Variants in SORL1 observed in about 807,000 individuals in gnomAD.
SORL1 encodes sortilin-related receptor.
SORL1 carries 127 observed loss-of-function variants against 273.7 expected under a neutral mutation model. The ratio of observed to expected loss-of-function variants is 0.46; its 90% CI spans 0.40 to 0.54. The LOEUF is 0.54. SORL1 is among the 20% of genes least tolerant of loss of function. SORL1 has a pLI of 0.00. For synonymous variants in SORL1, 1,031 were observed against 1,067.4 expected (o/e 0.97, Z 0.66); for missense variants, 2,494 against 2,846.1 (o/e 0.88, Z 2.81).
chr11:121,605,282 A>C, intron 34 of SORL1, 43 bp downstream of exon 34: 1 of 1,595,344 alleles, frequency 6.3e-7, no homozygotes, highest in Non-Finnish European at 8.5e-7. Flanking sequence ...TGATGTCTTC[A>C]TTGCCCCAGG....
At chr11:121,469,167 G>A (rs2134780474) in intron 1 of SORL1, among the ~76,000 whole-genome samples, 1 of 152,296 alleles carries the variant, frequency 6.6e-6, no homozygotes, top group African/African-American at 2.4e-5. Flanking sequence ...GCGGCCTGCG[G>A]ATGGGGAAAG....
At chr11:121,541,260 G>C (rs986207877) in intron 12 of SORL1, among the ~76,000 whole-genome samples, 1 of 151,100 alleles carries the variant, frequency 6.6e-6, no homozygotes, top group Non-Finnish European at 1.5e-5. Context: ...GGACTGCAGT[G>C]GTGCAGTCAT....
chr11:121,463,043 C>T (rs998471792), intron 1 of SORL1, among the ~76,000 whole-genome samples: 2 of 152,108 alleles, frequency 1.3e-5, no homozygotes, highest in East Asian at 1.9e-4. Flanking sequence ...ACAGGGAAAT[C>T]CTCACGTAGG....
At chr11:121,468,335 G>A (rs1861117749) in intron 1 of SORL1, among the ~76,000 whole-genome samples, 1 of 152,166 alleles carries the variant, frequency 6.6e-6, no homozygotes, top group Non-Finnish European at 1.5e-5. Context: ...TGGTGGAATA[G>A]GCTTCTCTCA....
Position 121,452,397 on chromosome 11 carries a change from G to A in SORL1, c.66G>A (p.Leu22=). The change falls in exon 1 of 48, where the codon CTG becomes CTA. Residue 22 remains leucine, a synonymous_variant. Coordinates refer to ENST00000260197, the MANE Select transcript of SORL1 (RefSeq NM_003105.6). This position sits in a 1 kb window ranked among gnomAD's most constrained non-coding sequence, Gnocchi z 5.3. ...LPFLFTLVAL[L]PPGALCEVWT... ...TCCTATTCACCCTGGTCGCACTGCT[G>A]CCGCCCGGAGCTCTCTGCGAAGTCT... The A allele has an allele frequency of 1.3e-6, 2 of 1,535,202 alleles. No individual in the cohort carries two copies. Among genetic ancestry groups the A allele is most frequent in the East Asian group, 2.7e-5 (1 of 37,414 alleles).
chr11:121,598,766 A>G (rs1290169865), intron 32 of SORL1, among the ~76,000 whole-genome samples: 4 of 152,072 alleles, frequency 2.6e-5, no homozygotes, highest in Non-Finnish European at 5.9e-5. Context: ...GAAATATGAA[A>G]CTAATTTATT....
chr11:121,572,144 A>G (rs1034907489), intron 23 of SORL1, among the ~76,000 whole-genome samples: 3 of 152,238 alleles, frequency 2.0e-5, no homozygotes, highest in Admixed American at 6.5e-5. Flanking sequence ...AGAGTGAGGG[A>G]CACAGGTGGC....
chr11:121,583,455 C>T lies in SORL1; in HGVS notation c.3581-3C>T, dbSNP rs1158664892. ...GCGACTGTGTCTCTCTTCTCTGTTA[C>T]AGCCATCTATCACACCTGTGAGGCC... On this transcript the variant is annotated splice_region_variant and splice_polypyrimidine_tract_variant and intron_variant, in intron 25 of 47. Transcript: ENST00000260197. 6.2e-7 allele frequency: 1 copy of T among 1,610,280 alleles called. No individual in the cohort carries two copies. Among genetic ancestry groups the T allele is most frequent in the Non-Finnish European group, 8.5e-7 (1 of 1,178,134 alleles).
At chr11:121,478,787 C>T (rs577132775) in intron 3 of SORL1, among the ~76,000 whole-genome samples, 15 of 145,896 alleles carry the variant, frequency 1.0e-4, no homozygotes, top group Admixed American at 6.8e-4. Context: ...TGCTTGTGTG[C>T]GCGTGAGTAC....
Position 121,583,575 on chromosome 11 carries a change from T to A in SORL1, c.3698T>A (p.Val1233Asp). ...CAGGATGGTTCCGATGAGGATCCAGTCAACTGTGGTAAATGCAAATTCCCC... is the reference window on the plus strand; with the variant it reads ...CAGGATGGTTCCGATGAGGATCCAGACAACTGTGGTAAATGCAAATTCCCC... ...DCQDGSDEDPVNCEKKCNGFR... is the reference protein window; with the variant it reads ...DCQDGSDEDPDNCEKKCNGFR... Residue 1233 changes from valine to aspartate, a missense_variant, in exon 26 of 48, where the codon GTC (valine) becomes GAC (aspartate). By Grantham distance (152) the Val-to-Asp change is radical. Coordinates refer to ENST00000260197, the MANE Select transcript of SORL1 (RefSeq NM_003105.6). 2 of 1,608,058 alleles carry A rather than the reference T, an allele frequency of 1.2e-6. No individual in the cohort carries two copies. Among genetic ancestry groups the A allele is most frequent in the Non-Finnish European group, 1.7e-6 (2 of 1,177,196 alleles).
intron 22 of SORL1, among the ~76,000 whole-genome samples, chr11:121,568,585 C>T (rs542554570): frequency 1.3e-5 from 2 of 152,200 alleles, no homozygotes; most frequent in South Asian, 4.1e-4. Flanking sequence ...TTGAGAAAAT[C>T]TTCATAACTC....
intron 16 of SORL1, among the ~76,000 whole-genome samples, chr11:121,551,360 A>G (rs1360413032): frequency 6.6e-6 from 1 of 152,236 alleles, no homozygotes; most frequent in Non-Finnish European, 1.5e-5. Flanking sequence ...ATGCTAATTA[A>G]GAAAAACTTC....
Position 121,558,611 on chromosome 11 carries a change from G to T in SORL1, c.2684G>T (p.Trp895Leu), listed in dbSNP as rs752153574. The change falls in exon 20 of 48, where the codon TGG (tryptophan) becomes TTG (leucine). Residue 895 changes from tryptophan (W) to leucine (L), a missense_variant. Coordinates refer to ENST00000260197, the MANE Select transcript of SORL1 (RefSeq NM_003105.6). The part of the protein sequence containing the change: ...PQEGVMFWTD[W>L]GDLKPGIYRS... Reference sequence around the variant, plus strand: ...GCTAGGGTGATGTTCTGGACAGACTGGGGAGACCTGAAGCCTGGGATTTAT... The same window carrying T: ...GCTAGGGTGATGTTCTGGACAGACTTGGGAGACCTGAAGCCTGGGATTTAT... The T allele has an allele frequency of 6.2e-7, 1 of 1,614,158 alleles. No homozygotes were observed. The highest frequency in any genetic ancestry group is 2.2e-5 in the East Asian group (1 of 44,884).
In SORL1 at chr11:121,554,276, CT is replaced by C. The variant is rs531253410; in HGVS notation, c.2439+170del. Among the ~76,000 whole-genome samples the C allele has an allele frequency of 2.2e-4, 33 of 152,316 alleles. No homozygotes were observed. The highest frequency in any genetic ancestry group is 7.2e-4 in the African/African-American group (30 of 41,566). The stretch of plus-strand genomic sequence containing the variant: ...TCCAGTCTTCTGTGTTAGTATTTTT[CT>C]TTCTCTGTCTTCATCTGTTCATATA... On this transcript the variant is annotated intron_variant, in intron 17 of 47. Transcript: ENST00000260197. The surrounding 1 kb of genome is among the most constrained non-coding windows in gnomAD (Gnocchi z 4.6).
At chr11:121,455,405 C>T (rs1860886180) in intron 1 of SORL1, among the ~76,000 whole-genome samples, 1 of 152,150 alleles carries the variant, frequency 6.6e-6, no homozygotes, top group South Asian at 2.1e-4. Context: ...GCAGAAGCTG[C>T]CTGAAGGAAG....
chr11:121,613,054 T>C (rs1467379411), intron 40 of SORL1, among the ~76,000 whole-genome samples: 1 of 152,180 alleles, frequency 6.6e-6, no homozygotes, highest in Non-Finnish European at 1.5e-5. Flanking sequence ...TCCAACCTCA[T>C]GACCCTTAGT....
chr11:121,539,082 C>G (rs1294227310), intron 12 of SORL1, among the ~76,000 whole-genome samples: 3 of 152,218 alleles, frequency 2.0e-5, no homozygotes, highest in African/African-American at 7.2e-5. Flanking sequence ...GTGTTGAGCT[C>G]TGTGAGAACT....
intron 32 of SORL1, among the ~76,000 whole-genome samples, chr11:121,597,434 C>T (rs1393384628): frequency 1.3e-5 from 2 of 151,158 alleles, no homozygotes; most frequent in South Asian, 2.1e-4. Context: ...TCTGGCAATA[C>T]AAATTCTTTG....
intron 3 of SORL1, among the ~76,000 whole-genome samples, chr11:121,479,286 G>T (rs1467063843): frequency 6.6e-6 from 1 of 152,162 alleles, no homozygotes; most frequent in Non-Finnish European, 1.5e-5. Context: ...TTAGCTCGGA[G>T]AGTTGTATTT....
Sources: allele counts gnomAD v4.1 joint callset (sites outside exome capture counted in the v4.1 genomes callset), GRCh38; gene constraint gnomAD v4.1.1; non-coding constraint Gnocchi (gnomAD v3.1); transcripts MANE v1.5; gene names NCBI Gene and HGNC (gene_info 2026-07-23, HGNC 2026-07-21).